Variants in PLD5 observed in about 807,000 individuals in gnomAD.
PLD5 encodes the protein inactive phospholipase D5.
In PLD5, 36 loss-of-function variants were observed where a neutral mutation model predicts 61.1. That is an observed-to-expected ratio of 0.59 (90% CI 0.45 to 0.78). PLD5 has a LOEUF of 0.78. Ranked by LOEUF, PLD5 falls within the 30% of genes least tolerant of loss-of-function variation. PLD5 has a pLI of 0.00. For missense variants in PLD5, 515 were observed against 644.4 expected (o/e 0.80, Z 2.17); for synonymous variants, 243 against 242.8 (o/e 1.00, Z -0.01).
chr1:242,163,269 G>C (rs1055462161), intron 5 of PLD5, among the ~76,000 whole-genome samples: 9 of 151,482 alleles, frequency 5.9e-5, no homozygotes, highest in African/African-American at 2.2e-4. Context: ...TCAGCCTCCC[G>C]AGTAGCTGGG....
intron 2 of PLD5, among the ~76,000 whole-genome samples, chr1:242,309,813 A>G (rs1676591639): frequency 6.6e-6 from 1 of 150,504 alleles, no homozygotes; most frequent in Non-Finnish European, 1.5e-5. Flanking sequence ...ATAATTGCTC[A>G]ATATAGATAT....
At chr1:242,477,424 C>T (rs972332932) in intron 1 of PLD5, among the ~76,000 whole-genome samples, 1 of 152,134 alleles carries the variant, frequency 6.6e-6, no homozygotes, top group African/African-American at 2.4e-5. Flanking sequence ...CTATATTCTG[C>T]ACAACTTTTG....
chr1:242,331,859 A>C (rs1215627402), intron 2 of PLD5, among the ~76,000 whole-genome samples: 2 of 152,212 alleles, frequency 1.3e-5, no homozygotes, highest in African/African-American at 4.8e-5. Context: ...ATAGATTAAA[A>C]CTAGGGCGGC....
At chr1:242,402,037 C>A (rs1663963548) in intron 1 of PLD5, among the ~76,000 whole-genome samples, 1 of 152,218 alleles carries the variant, frequency 6.6e-6, no homozygotes, top group African/African-American at 2.4e-5. Context: ...CCGCCTGCAC[C>A]ATGCTTCTGT....
chr1:242,200,439 G>C (rs998220103), intron 5 of PLD5, among the ~76,000 whole-genome samples: 1 of 152,168 alleles, frequency 6.6e-6, no homozygotes, highest in African/African-American at 2.4e-5. Context: ...AAAGGCAGTA[G>C]CTTTGAGACG....
upstream of PLD5, among the ~76,000 whole-genome samples, chr1:242,528,125 C>T (rs547109886): frequency 2.4e-4 from 36 of 152,278 alleles, no homozygotes; most frequent in Non-Finnish European, 4.9e-4. Context: ...TTTGACATTA[C>T]AATATTTAGA....
intron 3 of PLD5, among the ~76,000 whole-genome samples, chr1:242,265,705 C>A (rs1673631921): frequency 6.6e-6 from 1 of 152,114 alleles, no homozygotes; most frequent in South Asian, 2.1e-4. Context: ...TCCAATGCTA[C>A]AATGCAAATC....
rs1480707492 is a variant in PLD5, at chr1:242,256,740, A to G, written c.607+8597T>C. ...TTATTACAGCAGCACAAATGAACTA[A>G]GACTATCATCTATCTATCTATCTAT... is the stretch of plus-strand genomic sequence containing the variant. On this transcript the variant is annotated intron_variant, in intron 4 of 9. Coordinates refer to ENST00000536534, the MANE Select transcript of PLD5 (RefSeq NM_001372062.1). This position sits in a 1 kb window ranked among gnomAD's most constrained non-coding sequence, Gnocchi z 5.7. 6.7e-6 allele frequency among the ~76,000 whole-genome samples: 1 copy of G among 148,748 alleles called. No homozygotes were observed.
intron 4 of PLD5, among the ~76,000 whole-genome samples, chr1:242,241,530 T>A (rs1285116030): frequency 6.6e-6 from 1 of 151,062 alleles, no homozygotes; most frequent in Non-Finnish European, 1.5e-5. Context: ...GACAGCATGG[T>A]TAGTAGTTCT....
intron 7 of PLD5, among the ~76,000 whole-genome samples, chr1:242,110,726 C>T (rs528402354): frequency 6.6e-6 from 1 of 152,182 alleles, no homozygotes; most frequent in South Asian, 2.1e-4. Context: ...AGGAGAATGA[C>T]CTGAACCTGG....
intron 2 of PLD5, among the ~76,000 whole-genome samples, chr1:242,343,072 G>A (rs898327881): frequency 4.6e-5 from 7 of 152,042 alleles, no homozygotes; most frequent in African/African-American, 1.7e-4. Flanking sequence ...GGATAGAGAG[G>A]CTAGTTAGCA....
intron 1 of PLD5, among the ~76,000 whole-genome samples, chr1:242,417,040 G>A (rs1367267094): frequency 6.6e-6 from 1 of 152,326 alleles, no homozygotes; most frequent in Non-Finnish European, 1.5e-5. Context: ...TATTTCAGAT[G>A]GCTGTAAGTG....
At chr1:242,095,580 CA>C (rs1199453222) in intron 9 of PLD5, among the ~76,000 whole-genome samples, 1 of 152,114 alleles carries the variant, frequency 6.6e-6, no homozygotes, top group East Asian at 1.9e-4. Context: ...TTCCTGGTTT[CA>C]GGTATTTATT....
intron 1 of PLD5, among the ~76,000 whole-genome samples, chr1:242,444,717 A>AT (rs1666442814): frequency 7.7e-6 from 1 of 130,432 alleles, no homozygotes; most frequent in Non-Finnish European, 1.7e-5. Context: ...TTATATAATA[A>AT]AATAATATAT....
chr1:242,403,357 C>A (rs189347676), intron 1 of PLD5, among the ~76,000 whole-genome samples: 321 of 152,322 alleles, frequency 2.1e-3, no homozygotes, highest in Admixed American at 3.5e-3. Context: ...CCTGCAAGCA[C>A]ACAGGCGCAA....
At chr1:242,130,056 T>C (rs1290003830) in intron 5 of PLD5, among the ~76,000 whole-genome samples, 1 of 146,368 alleles carries the variant, frequency 6.8e-6, no homozygotes, top group Non-Finnish European at 1.5e-5. Flanking sequence ...ATGAACATCT[T>C]TTTTTTTTTT....
At chr1:242,372,262 A>G (rs1403682658) in intron 1 of PLD5, among the ~76,000 whole-genome samples, 2 of 152,148 alleles carry the variant, frequency 1.3e-5, no homozygotes, top group African/African-American at 4.8e-5. Flanking sequence ...CTATTTCCAC[A>G]CACCAGCAGG....
chr1:242,202,233 AAAAC>A (rs749287844), intron 5 of PLD5, among the ~76,000 whole-genome samples: 33 of 151,712 alleles, frequency 2.2e-4, no homozygotes, highest in African/African-American at 5.8e-4. Flanking sequence ...AAACAAAAAC[AAAAC>A]AAACAAACAA....
At chr1:242,190,586 A>G (rs1051778981) in intron 5 of PLD5, among the ~76,000 whole-genome samples, 6 of 152,050 alleles carry the variant, frequency 3.9e-5, no homozygotes, top group African/African-American at 1.2e-4. Context: ...CCAGTTATCC[A>G]TTTAAAAAAT....
Sources: allele counts gnomAD v4.1 joint callset (sites outside exome capture counted in the v4.1 genomes callset), GRCh38; gene constraint gnomAD v4.1.1; non-coding constraint Gnocchi (gnomAD v3.1); transcripts MANE v1.5; gene names NCBI Gene and HGNC (gene_info 2026-07-23, HGNC 2026-07-21).